The following RBPJ variants were observed in gnomAD, a reference collection of about 807,000 sequenced individuals.
RBPJ encodes recombining binding protein suppressor of hairless.
In RBPJ, 9 loss-of-function variants were observed where a neutral mutation model predicts 67.8. That is an observed-to-expected ratio of 0.13 (90% CI 0.08 to 0.23). RBPJ has a LOEUF of 0.23. Among genes scored for constraint, RBPJ ranks in the 10% least tolerant of loss-of-function variants. The pLI, the probability that RBPJ is intolerant of heterozygous loss-of-function variation, is 1.00. For synonymous variants in RBPJ, 198 were observed against 203.3 expected, an observed-to-expected ratio of 0.97 and a Z score of 0.22; for missense variants, 305 against 595.6, an observed-to-expected ratio of 0.51 and a Z score of 5.08.
At chr4:26,282,726 G>A (rs2109276660) in intron 1 of RBPJ, among the ~76,000 whole-genome samples, 1 of 151,744 alleles carries the variant, frequency 6.6e-6, no homozygotes, top group Non-Finnish European at 1.5e-5. Flanking sequence ...TCTCCATGTT[G>A]GCCAGGCTTG....
chr4:26,246,973 C>CT (rs56160527), intron 1 of RBPJ, among the ~76,000 whole-genome samples: 25,415 of 121,836 alleles, frequency 0.21, 3,176 homozygotes, highest in African/African-American at 0.24. Flanking sequence ...ACATAATACG[C>CT]TTTTTTTTTT....
At chr4:26,266,719 A>G (rs926207737) in intron 1 of RBPJ, among the ~76,000 whole-genome samples, 13 of 152,098 alleles carry the variant, frequency 8.5e-5, no homozygotes, top group African/African-American at 2.7e-4. Flanking sequence ...AAGGCGCCAT[A>G]TTTGGGGGTA....
rs528465135 is a variant in RBPJ, at chr4:26,226,603, T to C, written c.-167+62989T>C. Among the ~76,000 whole-genome samples, 8 of 152,348 alleles carry C rather than the reference T, an allele frequency of 5.3e-5. No homozygotes were observed. In the East Asian group the frequency reaches 1.5e-3, roughly 29 times the overall value. On this transcript the variant is annotated intron_variant, in intron 1 of 4. Coordinates refer to the RBPJ transcript ENST00000512351. Reference sequence around the variant, plus strand: ...GGCTCATCTGGCTTTGTGATGATCATCTACTCAAGTTGGGTTACACGGAAT... The same window carrying C: ...GGCTCATCTGGCTTTGTGATGATCACCTACTCAAGTTGGGTTACACGGAAT...
At chr4:26,205,139 C>G (rs1001281640) in intron 1 of RBPJ, among the ~76,000 whole-genome samples, 3 of 152,196 alleles carry the variant, frequency 2.0e-5, no homozygotes, top group African/African-American at 7.2e-5. Context: ...GAGGGCCAGC[C>G]AACAGGTTCT....
chr4:26,349,327 G>A (rs139464774), intron 1 of RBPJ, among the ~76,000 whole-genome samples: 1 of 152,204 alleles, frequency 6.6e-6, no homozygotes, highest in African/African-American at 2.4e-5. Context: ...CCACCTCAGC[G>A]TCCCAAAGTG....
intron 1 of RBPJ, among the ~76,000 whole-genome samples, chr4:26,171,565 T>G (rs952670619): frequency 6.6e-6 from 1 of 152,078 alleles, no homozygotes; most frequent in African/African-American, 2.4e-5. Context: ...AAATTTCAAA[T>G]TAAAACAAGA....
At chr4:26,327,317 TTGTTG>T (rs1215927474) in intron 1 of RBPJ, among the ~76,000 whole-genome samples, 1 of 152,220 alleles carries the variant, frequency 6.6e-6, no homozygotes, top group African/African-American at 2.4e-5. Flanking sequence ...TTGTGTAATT[TTGTTG>T]TGTTGAGACA....
rs745388948 is a variant in RBPJ at position 26,339,088 on chromosome 4, T to C, written c.20+18040T>C. Among the ~76,000 whole-genome samples the C allele has an allele frequency of 1.4e-3, 214 of 152,298 alleles. 1 individual carries two copies. The highest frequency in any genetic ancestry group is 3.4e-3 in the Middle Eastern group (1 of 294). Reference sequence around the variant, plus strand: ...TGCCCACCTTGGCCTCCCAAAATGCTGGGATTACAGGTGTGAGCCACTGTG... The same window carrying C: ...TGCCCACCTTGGCCTCCCAAAATGCCGGGATTACAGGTGTGAGCCACTGTG... On this transcript the variant is annotated intron_variant, in intron 1 of 10. Coordinates refer to ENST00000355476, the MANE Select transcript of RBPJ (RefSeq NM_015874.6).
chr4:26,323,609 T>A (rs1723316339), intron 1 of RBPJ, among the ~76,000 whole-genome samples: 1 of 152,218 alleles, frequency 6.6e-6, no homozygotes, highest in South Asian at 2.1e-4. Flanking sequence ...AACAGGAGAC[T>A]TGCAATATTT....
chr4:26,110,526 AG>A, the RBPJ span, among the ~76,000 whole-genome samples: 3 of 152,358 alleles, frequency 2.0e-5, no homozygotes, highest in Non-Finnish European at 2.9e-5. The surrounding 1 kb of genome is among the most constrained non-coding windows in gnomAD (Gnocchi z 4.5). Context: ...CCTGTCCATC[AG>A]GATAAGTGGG....
intron 1 of RBPJ, among the ~76,000 whole-genome samples, chr4:26,313,470 A>G (rs926383504): frequency 1.3e-5 from 2 of 152,056 alleles, no homozygotes; most frequent in African/African-American, 4.8e-5. Context: ...GATCGAGACC[A>G]TTCTGGTTAA....
chr4:26,129,575 C>T, the RBPJ span, among the ~76,000 whole-genome samples: 1 of 152,176 alleles, frequency 6.6e-6, no homozygotes, highest in Non-Finnish European at 1.5e-5. Context: ...ATCTGAAAAA[C>T]CAATGAGTTT....
chr4:26,111,591 A>G, the RBPJ span, among the ~76,000 whole-genome samples: 1 of 152,286 alleles, frequency 6.6e-6, no homozygotes, highest in East Asian at 1.9e-4. Context: ...GCTTCCCCCA[A>G]CTTCCTGGCT....
At chr4:26,365,191 T>G (rs1159134134) in intron 1 of RBPJ, among the ~76,000 whole-genome samples, 1 of 152,020 alleles carries the variant, frequency 6.6e-6, no homozygotes, top group East Asian at 1.9e-4. Context: ...AATGCCAGAT[T>G]AGATTTTTTT....
chr4:26,364,293 T>C (rs890796984), intron 1 of RBPJ, among the ~76,000 whole-genome samples: 2 of 152,224 alleles, frequency 1.3e-5, no homozygotes, highest in East Asian at 3.9e-4. Flanking sequence ...TCTATAACAG[T>C]GATCTAATCA....
chr4:26,188,087 T>C (rs1412357067), intron 1 of RBPJ, among the ~76,000 whole-genome samples: 1 of 152,100 alleles, frequency 6.6e-6, no homozygotes, highest in Non-Finnish European at 1.5e-5. Flanking sequence ...TGTGTGCCTG[T>C]AATCCCAGCT....
At chr4:26,149,586 G>T in the RBPJ span, among the ~76,000 whole-genome samples, 2 of 152,154 alleles carry the variant, frequency 1.3e-5, no homozygotes, top group Non-Finnish European at 2.9e-5. Flanking sequence ...ATTATCTTGG[G>T]AGTAGGTTTG....
intron 1 of RBPJ, among the ~76,000 whole-genome samples, chr4:26,220,753 G>A (rs1718875873): frequency 6.6e-6 from 1 of 152,206 alleles, no homozygotes; most frequent in Non-Finnish European, 1.5e-5. Flanking sequence ...CTCCACAGAT[G>A]AGGAACCAGA....
At chr4:26,132,429 A>G in the RBPJ span, among the ~76,000 whole-genome samples, 8 of 108,942 alleles carry the variant, frequency 7.3e-5, no homozygotes, top group East Asian at 1.6e-3. Flanking sequence ...GCTCCCTTCC[A>G]GAGCTGCTCA....
Sources: allele counts gnomAD v4.1 joint callset (sites outside exome capture counted in the v4.1 genomes callset), GRCh38; gene constraint gnomAD v4.1.1; non-coding constraint Gnocchi (gnomAD v3.1); transcripts MANE v1.5; gene names NCBI Gene and HGNC (gene_info 2026-07-23, HGNC 2026-07-21).